ITGBL1: variants seen among roughly 807,000 people sequenced by gnomAD.
The protein encoded by ITGBL1 is integrin beta-like protein 1.
A neutral mutation model predicts 68.5 loss-of-function variants in ITGBL1; 51 were observed. The observed-to-expected ratio is 0.74, with a 90% CI of 0.59 to 0.94. The LOEUF is 0.94. Among genes scored for constraint, ITGBL1 ranks in the 40% least tolerant of loss-of-function variants. The pLI, the probability that ITGBL1 is intolerant of heterozygous loss-of-function variation, is 0.00. For synonymous variants in ITGBL1, 209 were observed against 227.3 expected, an observed-to-expected ratio of 0.92 and a Z score of 0.72; for missense variants, 649 against 647.4, an observed-to-expected ratio of 1.00 and a Z score of -0.03.
chr13:101,624,254 C>G (rs2031693015), intron 7 of ITGBL1, among the ~76,000 whole-genome samples: 1 of 152,160 alleles, frequency 6.6e-6, no homozygotes, highest in African/African-American at 2.4e-5. Flanking sequence ...TCTTTCTGTT[C>G]TTGTGCAAAT....
intron 9 of ITGBL1, among the ~76,000 whole-genome samples, chr13:101,708,860 G>A (rs922220855): frequency 2.0e-5 from 3 of 152,216 alleles, no homozygotes; most frequent in Non-Finnish European, 2.9e-5. Context: ...TGGAAAATGA[G>A]TTTAAAGCAA....
chr13:101,548,495 A>G (rs890826457), intron 2 of ITGBL1, among the ~76,000 whole-genome samples: 1 of 151,832 alleles, frequency 6.6e-6, no homozygotes, highest in African/African-American at 2.4e-5. Flanking sequence ...AAATGGGTGA[A>G]TATTTTCTAT....
At chr13:101,686,488 G>T (rs1201158505) in intron 7 of ITGBL1, among the ~76,000 whole-genome samples, 1 of 152,046 alleles carries the variant, frequency 6.6e-6, no homozygotes, top group Non-Finnish European at 1.5e-5. Context: ...TATAAACCCA[G>T]AGCAGAGGTT....
intron 2 of ITGBL1, among the ~76,000 whole-genome samples, chr13:101,461,766 G>A (rs2048321648): frequency 1.3e-5 from 2 of 152,176 alleles, no homozygotes; most frequent in African/African-American, 2.4e-5. Context: ...TTCCCTGTCT[G>A]CAAAATTATG....
At chr13:101,531,046 G>C (rs1271901266) in intron 2 of ITGBL1, among the ~76,000 whole-genome samples, 5 of 57,282 alleles carry the variant, frequency 8.7e-5, no homozygotes, top group African/African-American at 3.4e-4. Flanking sequence ...AATATTAGAG[G>C]ATTTTTTTTA....
At chr13:101,605,025 T>G (rs2030663998) in intron 7 of ITGBL1, among the ~76,000 whole-genome samples, 1 of 137,796 alleles carries the variant, frequency 7.3e-6, no homozygotes, top group Non-Finnish European at 1.6e-5. Context: ...TATGTGTATA[T>G]GTATATATAC....
At chr13:101,702,649 A>C (rs2034162703) in intron 8 of ITGBL1, among the ~76,000 whole-genome samples, 1 of 152,224 alleles carries the variant, frequency 6.6e-6, no homozygotes, top group Admixed American at 6.5e-5. Context: ...AAATGATTTC[A>C]GTTGTGTCAA....
At chr13:101,649,691 C>G (rs1291952186) in intron 7 of ITGBL1, among the ~76,000 whole-genome samples, 2 of 152,156 alleles carry the variant, frequency 1.3e-5, no homozygotes, top group East Asian at 3.8e-4. Context: ...TTTGGCTGCT[C>G]TTACTGACCA....
chr13:101,469,938 C>A (rs965247053), intron 2 of ITGBL1, among the ~76,000 whole-genome samples: 3 of 152,172 alleles, frequency 2.0e-5, no homozygotes, highest in Admixed American at 2.0e-4. Context: ...ATTGTTGCTG[C>A]CTGTGTGATC....
chr13:101,493,821 C>G (rs7337798), intron 2 of ITGBL1, among the ~76,000 whole-genome samples: 1 of 152,114 alleles, frequency 6.6e-6, no homozygotes, highest in Non-Finnish European at 1.5e-5. Context: ...TCTTTGGGGA[C>G]CTTTCAGAAT....
At chr13:101,525,861 GT>G (rs1040440299) in intron 2 of ITGBL1, among the ~76,000 whole-genome samples, 6 of 151,746 alleles carry the variant, frequency 4.0e-5, no homozygotes, top group Non-Finnish European at 8.8e-5. Context: ...ATATATCATT[GT>G]TTTTATGGGT....
At chr13:101,469,813 C>T (rs548168582) in intron 2 of ITGBL1, among the ~76,000 whole-genome samples, 1 of 152,270 alleles carries the variant, frequency 6.6e-6, no homozygotes, top group East Asian at 1.9e-4. Flanking sequence ...ACAATCTTTT[C>T]CTTGGGAAAA....
At chr13:101,531,468 A>G (rs1294219156) in intron 2 of ITGBL1, among the ~76,000 whole-genome samples, 1 of 152,120 alleles carries the variant, frequency 6.6e-6, no homozygotes, top group Non-Finnish European at 1.5e-5. Flanking sequence ...GGAAAGGATT[A>G]AAAAGCCATT....
At chr13:101,603,910 A>G (rs1377822951) in intron 7 of ITGBL1, among the ~76,000 whole-genome samples, 5 of 151,962 alleles carry the variant, frequency 3.3e-5, no homozygotes, top group Non-Finnish European at 7.4e-5. Context: ...GTGATCTGAT[A>G]TCTTAAAACA....
intron 7 of ITGBL1, among the ~76,000 whole-genome samples, chr13:101,638,002 C>A (rs916159165): frequency 6.6e-6 from 1 of 152,058 alleles, no homozygotes; most frequent in African/African-American, 2.4e-5. Context: ...ATTCCTGTTA[C>A]ACTATAAAAT....
chr13:101,478,179 A>G (rs2048564261), intron 2 of ITGBL1, among the ~76,000 whole-genome samples: 1 of 152,208 alleles, frequency 6.6e-6, no homozygotes, highest in Non-Finnish European at 1.5e-5. Context: ...GGATGGTTCA[A>G]CATATGCAAA....
intron 8 of ITGBL1, among the ~76,000 whole-genome samples, chr13:101,697,557 C>T (rs115066261): frequency 0.017 from 2,580 of 152,220 alleles, 78 homozygotes; most frequent in African/African-American, 0.059. Context: ...TATAGCAAGA[C>T]GAATGGGAAC....
At chr13:101,493,989 G>T (rs2048819052) in intron 2 of ITGBL1, among the ~76,000 whole-genome samples, 1 of 152,132 alleles carries the variant, frequency 6.6e-6, no homozygotes, top group Non-Finnish European at 1.5e-5. Context: ...ACATACTTAG[G>T]TTTGTCCTTT....
chr13:101,455,219 TA>T (rs2048226007), intron 2 of ITGBL1, among the ~76,000 whole-genome samples: 1 of 152,176 alleles, frequency 6.6e-6, no homozygotes, highest in Admixed American at 6.5e-5. Flanking sequence ...TATAGCAAAA[TA>T]TTTTTTTCTC....
Sources: gnomAD v4.1 joint callset for allele counts (sites outside exome capture counted in the v4.1 genomes callset) on GRCh38, gnomAD v4.1.1 for gene constraint, MANE v1.5 for transcripts, NCBI Gene and HGNC (gene_info 2026-07-23, HGNC 2026-07-21) for gene names.